Variants in CADPS2 observed in about 807,000 individuals in gnomAD.
CADPS2 encodes calcium dependent secretion activator 2.
A neutral mutation model predicts 172.5 loss-of-function variants in CADPS2; 93 were observed. The ratio of observed to expected loss-of-function variants is 0.54; its 90% CI spans 0.46 to 0.64. The LOEUF (loss-of-function observed/expected upper bound fraction) is 0.64, where lower values mean the gene tolerates loss of function less well. CADPS2 is among the 30% of genes least tolerant of loss of function. The pLI, the probability that CADPS2 is intolerant of heterozygous loss-of-function variation, is 0.00. For synonymous variants in CADPS2, 546 were observed against 555.2 expected, an observed-to-expected ratio of 0.98 and a Z score of 0.23; for missense variants, 1,420 against 1,565.9, an observed-to-expected ratio of 0.91 and a Z score of 1.57.
intron 2 of CADPS2, among the ~76,000 whole-genome samples, chr7:122,721,524 C>A (rs55926419): frequency 0.36 from 54,545 of 151,312 alleles, 11,830 homozygotes; most frequent in Non-Finnish European, 0.48. Context: ...CAATAACAGG[C>A]TCTGAAATTG....
intron 2 of CADPS2, among the ~76,000 whole-genome samples, chr7:122,723,764 A>T (rs2090758867): frequency 6.6e-6 from 1 of 152,190 alleles, no homozygotes; most frequent in Non-Finnish European, 1.5e-5. Context: ...AATAGCAAAG[A>T]CTTGGAACCA....
At chr7:122,747,173 GAGA>G (rs2092752170) in intron 1 of CADPS2, among the ~76,000 whole-genome samples, 1 of 152,062 alleles carries the variant, frequency 6.6e-6, no homozygotes, top group African/African-American at 2.4e-5. Flanking sequence ...GAGCCATTCT[GAGA>G]AGTTCTCATT....
chr7:122,855,007 C>T (rs927529366), intron 1 of CADPS2, among the ~76,000 whole-genome samples: 1 of 152,120 alleles, frequency 6.6e-6, no homozygotes, highest in African/African-American at 2.4e-5. Context: ...CCATAAAAGC[C>T]TTCAAATTAC....
At chr7:122,325,291 A>G (rs11760856) in intron 29 of CADPS2, among the ~76,000 whole-genome samples, 186 bp downstream of exon 29, 54,885 of 151,894 alleles carry the variant, frequency 0.36, 10,122 homozygotes, top group East Asian at 0.47. Flanking sequence ...TTTTTTTATT[A>G]GTGCAAAAAA....
At chr7:122,856,271 C>CA (rs1815183489) in intron 1 of CADPS2, among the ~76,000 whole-genome samples, 1 of 152,144 alleles carries the variant, frequency 6.6e-6, no homozygotes, top group Non-Finnish European at 1.5e-5. Context: ...GGAATATCCC[C>CA]AAATCTTTTT....
intron 7 of CADPS2, among the ~76,000 whole-genome samples, chr7:122,564,994 G>T (rs1185120658): frequency 6.6e-6 from 1 of 151,978 alleles, no homozygotes; most frequent in Non-Finnish European, 1.5e-5. Flanking sequence ...AATACAGCAT[G>T]TTCTCACAAA....
chr7:122,807,263 G>A (rs911926640), intron 1 of CADPS2, among the ~76,000 whole-genome samples: 2 of 152,164 alleles, frequency 1.3e-5, no homozygotes, highest in Non-Finnish European at 2.9e-5. Flanking sequence ...AGACACTGCA[G>A]GCTCCAAGAC....
rs1445690849 is a variant in CADPS2, at chr7:122,490,133, T to G, written c.1800A>C (p.Gln600His). The change falls in exon 11 of 30, where the codon CAA (glutamine) becomes CAC (histidine). Residue 600 changes from glutamine to histidine, a missense_variant. Gln to His is a conservative substitution (Grantham distance 24). Transcript: ENST00000449022. ...CTCCTTTAGGATTCAGTTTCTGGGT[T>G]TGAATTGCAGGAACTGGTTTATATG... is the stretch of plus-strand genomic sequence containing the variant. ...GQSYKPVPAI[Q>H]TQKLNPKGGT... 3.7e-6 allele frequency: 6 copies of G among 1,613,362 alleles called. No individual in the cohort carries two copies. The highest frequency in any genetic ancestry group is 2.5e-6 in the Non-Finnish European group (3 of 1,179,574).
intron 20 of CADPS2, among the ~76,000 whole-genome samples, chr7:122,407,036 T>C (rs1408052912): frequency 6.6e-6 from 1 of 152,238 alleles, no homozygotes; most frequent in Non-Finnish European, 1.5e-5. Flanking sequence ...ACATTCTCCT[T>C]AATTTCTAAA....
At chr7:122,327,869 T>A (rs2034182359) in intron 28 of CADPS2, among the ~76,000 whole-genome samples, 1 of 152,114 alleles carries the variant, frequency 6.6e-6, no homozygotes, top group Non-Finnish European at 1.5e-5. Flanking sequence ...TTTATCATCA[T>A]CTTACTTTGA....
intron 1 of CADPS2, among the ~76,000 whole-genome samples, chr7:122,747,058 T>C (rs972216509): frequency 4.6e-5 from 7 of 152,038 alleles, no homozygotes; most frequent in African/African-American, 1.7e-4. Context: ...CAAAAGCAAA[T>C]GTAAACCAAT....
intron 5 of CADPS2, among the ~76,000 whole-genome samples, chr7:122,621,259 C>T (rs1286990994): frequency 3.3e-5 from 5 of 152,066 alleles, no homozygotes; most frequent in Non-Finnish European, 1.5e-5. Flanking sequence ...TGCCTTAAAA[C>T]TTCTATTATT....
intron 27 of CADPS2, among the ~76,000 whole-genome samples, chr7:122,359,529 G>C (rs1424674239): frequency 6.6e-6 from 1 of 152,086 alleles, no homozygotes; most frequent in Non-Finnish European, 1.5e-5. Context: ...TAATTTTGGT[G>C]TCACAGTCCA....
intron 14 of CADPS2, among the ~76,000 whole-genome samples, chr7:122,453,419 T>C (rs1002193810): frequency 6.6e-6 from 1 of 152,178 alleles, no homozygotes; most frequent in African/African-American, 2.4e-5. Flanking sequence ...TAATTATGCA[T>C]TGACAATGAT....
At chr7:122,869,244 A>G (rs1212023594) in intron 1 of CADPS2, among the ~76,000 whole-genome samples, 1 of 152,112 alleles carries the variant, frequency 6.6e-6, no homozygotes, top group African/African-American at 2.4e-5. Context: ...ACCCACAATA[A>G]GACACATTAT....
At chr7:122,471,901 A>G (rs2056006809) in intron 13 of CADPS2, among the ~76,000 whole-genome samples, 1 of 152,220 alleles carries the variant, frequency 6.6e-6, no homozygotes, top group African/African-American at 2.4e-5. Context: ...TTATGAATCA[A>G]TTAAAAAAAG....
intron 29 of CADPS2, among the ~76,000 whole-genome samples, chr7:122,320,690 T>A (rs2032237382): frequency 6.6e-6 from 1 of 152,212 alleles, no homozygotes; most frequent in South Asian, 2.1e-4. Flanking sequence ...ATTATTAGTT[T>A]TTTTAATTGA....
At chr7:122,406,884 A>G (rs1244645589) in intron 20 of CADPS2, among the ~76,000 whole-genome samples, 2 of 152,214 alleles carry the variant, frequency 1.3e-5, no homozygotes, top group Non-Finnish European at 2.9e-5. Context: ...AACTTAAAAA[A>G]GCATCACAGG....
chr7:122,702,123 C>T (rs376463521), intron 2 of CADPS2: 75 of 1,613,434 alleles, frequency 4.6e-5, no homozygotes, highest in Middle Eastern at 1.6e-4. Context: ...AGTCTCCAGA[C>T]GCAATCTAAG....
Sources: allele counts gnomAD v4.1 joint callset (sites outside exome capture counted in the v4.1 genomes callset), GRCh38; gene constraint gnomAD v4.1.1; transcripts MANE v1.5; gene names NCBI Gene and HGNC (gene_info 2026-07-23, HGNC 2026-07-21).